ADAMTS20: variants seen among roughly 807,000 people sequenced by gnomAD.
ADAMTS20 encodes the protein ADAM metallopeptidase with thrombospondin type 1 motif 20, also known as A disintegrin and metalloproteinase with thrombospondin motifs 20.
ADAMTS20 carries 225 observed loss-of-function variants against 260.1 expected under a neutral mutation model. The observed-to-expected ratio is 0.87, with a 90% confidence interval of 0.78 to 0.97. ADAMTS20 has a LOEUF of 0.97. Ranked by LOEUF, ADAMTS20 falls within the 50% of genes least tolerant of loss-of-function variation. The pLI, the probability that ADAMTS20 is intolerant of heterozygous loss-of-function variation, is 0.00. For synonymous variants in ADAMTS20, 802 were observed against 769.5 expected, an observed-to-expected ratio of 1.04 and a Z score of -0.70; for missense variants, 2,400 against 2,337.7, an observed-to-expected ratio of 1.03 and a Z score of -0.55.
chr12:43,356,628 A>G lies in ADAMTS20; in HGVS notation c.5539-40T>C. On this transcript the variant is annotated intron_variant, in intron 37 of 38. Transcript: ENST00000389420. ...AAACAAAGAAAAATAGATGGAATTT[A>G]CAAAATATTTGATTACAAATAAGTC... 2.8e-6 allele frequency: 4 copies of G among 1,421,032 alleles called. No homozygotes were observed. The South Asian group carries it at 4.9e-5, about 17-fold the overall frequency. 88.0% of individuals were successfully genotyped at this position (1,421,032 alleles called of 1,614,324 possible). A position where few individuals can be genotyped will look rare whatever the true frequency, so the allele number is the denominator to read the frequency against.
In ADAMTS20 at chr12:43,447,777, A is replaced by T. The variant is rs1314444704; in HGVS notation, c.2080-1065T>A. On this transcript the variant is annotated intron_variant, in intron 14 of 38. Coordinates refer to ENST00000389420, the MANE Select transcript of ADAMTS20 (RefSeq NM_025003.5). ...GGCCCAAAAGCTCCTTAACCTGACAAACAACTTCAGCAAATTTGCAAGATA... is the reference window on the plus strand; with the variant it reads ...GGCCCAAAAGCTCCTTAACCTGACATACAACTTCAGCAAATTTGCAAGATA... 2.0e-5 allele frequency among the ~76,000 whole-genome samples: 3 copies of T among 152,266 alleles called. No homozygotes were observed. The East Asian group carries it at 5.8e-4, about 29-fold the overall frequency.
rs550091568 is a variant in ADAMTS20 at position 43,413,076 on chromosome 12, C to T, written c.4284+12438G>A. ...TGCCCGCCTTGGCCTCCCAAAGTGC[C>T]GGGATTACAGGCATGAGCCACCGTG... On this transcript the variant is annotated intron_variant, in intron 28 of 38. Transcript: ENST00000389420. 3.3e-5 allele frequency among the ~76,000 whole-genome samples: 5 copies of T among 151,636 alleles called. No individual in the cohort carries two copies. In the South Asian group the frequency reaches 6.2e-4, roughly 19 times the overall value.
intron 2 of ADAMTS20, 125 bp downstream of exon 2, chr12:43,550,784 C>T: frequency 7.3e-7 from 1 of 1,376,288 alleles, no homozygotes. Flanking sequence ...GGTGTTAATC[C>T]TTCTTGTAGC....
In ADAMTS20 at chr12:43,551,255, G is replaced by A. The variant is rs1295649822; in HGVS notation, c.107C>T (p.Thr36Ile). The A allele has an allele frequency of 6.2e-7, 1 of 1,612,912 alleles. No homozygotes were observed. ...GATCACTACTTCGTAGGAGGTCAGTGTCCTCACCAGGGCTTCTGCAACAAC... is the reference window on the plus strand; with the variant it reads ...GATCACTACTTCGTAGGAGGTCAGTATCCTCACCAGGGCTTCTGCAACAAC... The part of the protein sequence containing the change: ...FHPRQEALVR[T>I]LTSYEVVIPE... Residue 36 changes from threonine (T) to isoleucine (I), a missense_variant, in exon 2 of 39, where the codon ACA (threonine) becomes ATA (isoleucine). Coordinates refer to ENST00000389420, the MANE Select transcript of ADAMTS20 (RefSeq NM_025003.5). The surrounding 1 kb of genome is among the most constrained non-coding windows in gnomAD (Gnocchi z 4.6).
At chr12:43,378,712 C>G (rs1462749298) in intron 31 of ADAMTS20, among the ~76,000 whole-genome samples, 1 of 152,084 alleles carries the variant, frequency 6.6e-6, no homozygotes, top group Non-Finnish European at 1.5e-5. Flanking sequence ...ATGCAAAGAA[C>G]CTGGAAAATA....
At chr12:43,499,498 T>C (rs1450265767) in intron 4 of ADAMTS20, among the ~76,000 whole-genome samples, 2 of 151,440 alleles carry the variant, frequency 1.3e-5, no homozygotes, top group Non-Finnish European at 3.0e-5. Flanking sequence ...TTTTTTTTTT[T>C]TTTTTTTTTT....
Position 43,354,277 on chromosome 12 carries a change from T to G in ADAMTS20, c.5665A>C (p.Lys1889Gln). 1 of 1,590,500 alleles carries G rather than the reference T, an allele frequency of 6.3e-7. No homozygotes were observed. Among genetic ancestry groups the G allele is most frequent in the Non-Finnish European group, 8.6e-7 (1 of 1,166,952 alleles). The change falls in exon 39 of 39, where the codon AAA becomes CAA. Residue 1889 changes from lysine (K) to glutamine (Q), a missense_variant. By Grantham distance (53) the Lys-to-Gln change is moderately conservative. Transcript: ENST00000389420. ...RSEDGTRFFGKCGGYCGKCLP... is the reference protein window; with the variant it reads ...RSEDGTRFFGQCGGYCGKCLP... ...CACTTTCCACAGTACCCTCCACATT[T>G]GCCGAAAAATCTAGTTCCATCCTGA...
At chr12:43,387,376 G>A (rs1227673065) in intron 29 of ADAMTS20, among the ~76,000 whole-genome samples, 4 of 152,112 alleles carry the variant, frequency 2.6e-5, no homozygotes, top group Non-Finnish European at 5.9e-5. Context: ...TGTCCCAGAG[G>A]GGCACCCATC....
chr12:43,501,481 G>GCGCGCACACA (rs373746834), intron 4 of ADAMTS20, among the ~76,000 whole-genome samples: 1 of 117,808 alleles, frequency 8.5e-6, no homozygotes, highest in Non-Finnish European at 1.8e-5. Flanking sequence ...GCGCGCGCGC[G>GCGCGCACACA]CACACACACA....
chr12:43,531,815 A>G (rs533059878), intron 3 of ADAMTS20, among the ~76,000 whole-genome samples: 1 of 152,304 alleles, frequency 6.6e-6, no homozygotes, highest in African/African-American at 2.4e-5. Flanking sequence ...TACATGAGCT[A>G]ATGCATTTGT....
At chr12:43,521,948 G>C (rs1046926556) in intron 3 of ADAMTS20, among the ~76,000 whole-genome samples, 11 of 151,976 alleles carry the variant, frequency 7.2e-5, no homozygotes, top group Admixed American at 2.6e-4. Flanking sequence ...TGTAACATTA[G>C]GTACTCAAAG....
intron 2 of ADAMTS20, among the ~76,000 whole-genome samples, chr12:43,543,910 T>C (rs755413921): frequency 1.7e-4 from 26 of 152,224 alleles, no homozygotes; most frequent in Non-Finnish European, 3.5e-4. Flanking sequence ...CTTACTATAG[T>C]TATAAATTAT....
chr12:43,501,518 G>A (rs144008427), intron 4 of ADAMTS20, among the ~76,000 whole-genome samples: 49 of 89,882 alleles, frequency 5.5e-4, no homozygotes, highest in Non-Finnish European at 1.0e-3. Flanking sequence ...AGGATGAAGC[G>A]TGATGCCACT....
chr12:43,530,316 G>T (rs889920817), intron 3 of ADAMTS20, among the ~76,000 whole-genome samples: 1 of 152,140 alleles, frequency 6.6e-6, no homozygotes. Flanking sequence ...TAAACAAGCT[G>T]CTCTTGAATA....
At chr12:43,493,062 T>C in intron 5 of ADAMTS20, 108 bp downstream of exon 5, 4 of 792,232 alleles carry the variant, frequency 5.0e-6, no homozygotes. Flanking sequence ...ATCAAGTCTT[T>C]TAAAATTTTA....
intron 3 of ADAMTS20, among the ~76,000 whole-genome samples, chr12:43,525,046 T>C (rs968988445): frequency 1.3e-5 from 2 of 151,848 alleles, no homozygotes; most frequent in Non-Finnish European, 2.9e-5. Flanking sequence ...GGGAGACTTA[T>C]TGCAAAAAGG....
chr12:43,421,420 T>C (rs1941236669), intron 28 of ADAMTS20, among the ~76,000 whole-genome samples: 1 of 152,058 alleles, frequency 6.6e-6, no homozygotes, highest in Non-Finnish European at 1.5e-5. Flanking sequence ...CACTATTTGT[T>C]TACCAAATAT....
At chr12:43,368,985 C>T (rs750030092) in intron 37 of ADAMTS20, among the ~76,000 whole-genome samples, 23 of 152,020 alleles carry the variant, frequency 1.5e-4, no homozygotes, top group Non-Finnish European at 2.4e-4. Context: ...CGTTCCTTTG[C>T]CTTTTGACAA....
At chr12:43,436,079 A>C (rs1941549636) in intron 18 of ADAMTS20, among the ~76,000 whole-genome samples, 1 of 152,216 alleles carries the variant, frequency 6.6e-6, no homozygotes, top group Non-Finnish European at 1.5e-5. Context: ...ACGTAAAAGA[A>C]GAAAAAAAGG....
Sources: gnomAD v4.1 joint callset for allele counts (sites outside exome capture counted in the v4.1 genomes callset) on GRCh38, gnomAD v4.1.1 for gene constraint, Gnocchi (gnomAD v3.1) non-coding constraint, MANE v1.5 for transcripts, NCBI Gene and HGNC (gene_info 2026-07-23, HGNC 2026-07-21) for gene names.